Variants in HTN3 observed in about 807,000 individuals in gnomAD.
The protein encoded by HTN3 is histatin-3.
HTN3 carries 15 observed loss-of-function variants against 10.6 expected under a neutral mutation model. The ratio of observed to expected loss-of-function variants is 1.42; its 90% confidence interval spans 0.95 to 2.18. HTN3 has a LOEUF of 2.18. Ranked by LOEUF, HTN3 falls within the 30% of genes most tolerant of loss-of-function variation. HTN3 has a pLI of 0.00. For synonymous variants in HTN3, 15 were observed against 16.9 expected (o/e 0.89, Z 0.27); for missense variants, 68 against 58.0 (o/e 1.17, Z -0.56).
intron 4 of HTN3, among the ~76,000 whole-genome samples, chr4:70,032,810 C>G (rs866848809): frequency 6.6e-6 from 1 of 152,028 alleles, no homozygotes; most frequent in South Asian, 2.1e-4. Flanking sequence ...AAGTTGGAAA[C>G]GGTAACTTTC....
chr4:70,032,539 A>G (rs1007252467), intron 4 of HTN3, among the ~76,000 whole-genome samples: 4 of 152,104 alleles, frequency 2.6e-5, no homozygotes, highest in Non-Finnish European at 4.4e-5. Flanking sequence ...GTGCTAAATT[A>G]GACAGAAAAT....
chr4:70,035,138 A>G (rs1004516054), intron 5 of HTN3, among the ~76,000 whole-genome samples: 1 of 152,202 alleles, frequency 6.6e-6, no homozygotes, highest in African/African-American at 2.4e-5. Context: ...CACATTCTGC[A>G]CATGTATCCC....
intron 5 of HTN3, chr4:70,034,124 T>C (rs1725451625): frequency 6.6e-6 from 1 of 152,094 alleles, no homozygotes; most frequent in South Asian, 2.1e-4. Context: ...ACCTAGGTGA[T>C]ATCATTCGGG....
In HTN3 at chr4:70,036,333, G is replaced by C. The variant is rs1357110258; in HGVS notation, c.*100G>C. ...TGTCATACCGCATCACACTACCACTGCTTTTTGAAGAATTATCATAAGGCA... is the reference window on the plus strand; with the variant it reads ...TGTCATACCGCATCACACTACCACTCCTTTTTGAAGAATTATCATAAGGCA... On this transcript the variant is annotated 3_prime_UTR_variant, in exon 6 of 6. Coordinates refer to ENST00000673563, the MANE Select transcript of HTN3 (RefSeq NM_000200.3). 1 of 152,116 alleles carries C rather than the reference G, an allele frequency of 6.6e-6. No homozygotes were observed. The highest frequency in any genetic ancestry group is 1.5e-5 in the Non-Finnish European group (1 of 68,020). The allele number at this position is 152,116 out of a possible 1,614,324, so 9.4% of individuals were successfully genotyped here. A position where few individuals can be genotyped will look rare whatever the true frequency, so the allele number is the denominator to read the frequency against.
intron 2 of HTN3, 189 bp downstream of exon 2, chr4:70,030,980 T>G: frequency 2.0e-6 from 1 of 492,548 alleles, no homozygotes. Context: ...ATTACATACC[T>G]GCGAACACTC....
rs1159547895 is a variant in HTN3 at position 70,033,175 on chromosome 4, T to A, written c.111T>A (p.His37Gln). ...HGYKRKFHEKHHSHRGYRSNY... is the reference protein window; with the variant it reads ...HGYKRKFHEKQHSHRGYRSNY... ...CTTTTGTGTGTATGCAGGAAAAGCA[T>A]CATTCACATCGAGGCTATAGATCAA... The change falls in exon 5 of 6, where the codon CAT becomes CAA. Residue 37 changes from histidine (H) to glutamine (Q), a missense_variant. His to Gln is a conservative substitution (Grantham distance 24). Coordinates refer to ENST00000673563, the MANE Select transcript of HTN3 (RefSeq NM_000200.3). The A allele has an allele frequency of 5.6e-6, 9 of 1,606,144 alleles. No homozygotes were observed. Among genetic ancestry groups the A allele is most frequent in the Non-Finnish European group, 6.8e-6 (8 of 1,174,326 alleles).
At position 70,036,470 on chromosome 4, in the gene HTN3, C is replaced by T. The variant is rs1289568704; in HGVS notation, c.*237C>T. The stretch of plus-strand genomic sequence containing the variant: ...CAATTTAAATGTTAAGCTGTTTTCA[C>T]TGCTGTTTCTGAGTAATAGAAATTC... On this transcript the variant is annotated 3_prime_UTR_variant, in exon 6 of 6. Coordinates refer to ENST00000673563, the MANE Select transcript of HTN3 (RefSeq NM_000200.3). 1 of 152,206 alleles carries T rather than the reference C, an allele frequency of 6.6e-6. No homozygotes were observed. The highest frequency in any genetic ancestry group is 1.5e-5 in the Non-Finnish European group (1 of 68,026). 9.4% of individuals were successfully genotyped at this position (152,206 alleles called of 1,614,324 possible).
At chr4:70,033,047 A>G in intron 4 of HTN3, 120 bp from the exon 5 acceptor site, 1 of 684,666 alleles carries the variant, frequency 1.5e-6, no homozygotes, top group South Asian at 1.8e-5. Context: ...TTATGTAGAT[A>G]ACACACGAGG....
intron 5 of HTN3, among the ~76,000 whole-genome samples, chr4:70,035,242 G>A (rs1481935172): frequency 6.6e-6 from 1 of 152,172 alleles, no homozygotes; most frequent in East Asian, 1.9e-4. Context: ...GTTCTGGGTA[G>A]GGGAACCCCT....
intron 5 of HTN3, chr4:70,034,146 G>C (rs1340556939): frequency 6.6e-6 from 1 of 152,114 alleles, no homozygotes; most frequent in Non-Finnish European, 1.5e-5. Context: ...CATAGGCATG[G>C]ACAAAGACTT....
intron 5 of HTN3, among the ~76,000 whole-genome samples, chr4:70,035,567 T>C (rs1725496255): frequency 6.6e-6 from 1 of 152,196 alleles, no homozygotes. Context: ...TATGCCTAAG[T>C]AACTCTAATG....
chr4:70,035,312 C>G (rs1014219717), intron 5 of HTN3, among the ~76,000 whole-genome samples: 1 of 152,188 alleles, frequency 6.6e-6, no homozygotes. Context: ...CTAATCTTCT[C>G]TTAACCTTAA....
chr4:70,031,648 T>C (rs1291043980), intron 2 of HTN3, among the ~76,000 whole-genome samples: 1 of 152,120 alleles, frequency 6.6e-6, no homozygotes. Context: ...TTGAGCTACA[T>C]AGAACATATT....
chr4:70,033,333 T>C, intron 5 of HTN3, 80 bp downstream of exon 5: 3 of 678,684 alleles, frequency 4.4e-6, no homozygotes, highest in Non-Finnish European at 7.5e-6. Context: ...AAAAAAGCCA[T>C]TAAGCCAACA....
chr4:70,032,392 A>G (rs537063184), intron 4 of HTN3, among the ~76,000 whole-genome samples: 2 of 152,160 alleles, frequency 1.3e-5, no homozygotes, highest in African/African-American at 4.8e-5. Flanking sequence ...GACCTAAAGA[A>G]TAGTTCCTAA....
At chr4:70,034,441 CA>C (rs1429701856) in intron 5 of HTN3, 2 of 152,222 alleles carry the variant, frequency 1.3e-5, no homozygotes, top group East Asian at 3.9e-4. Flanking sequence ...ATGTGGCCAA[CA>C]AACATGAAAA....
chr4:70,030,518 C>G (rs958001982), intron 1 of HTN3, among the ~76,000 whole-genome samples: 1 of 152,036 alleles, frequency 6.6e-6, no homozygotes, highest in Admixed American at 6.6e-5. Context: ...TGTAGTTCCA[C>G]CTACAAGTGG....
chr4:70,031,093 G>C, intron 2 of HTN3: 1 of 235,150 alleles, frequency 4.3e-6, no homozygotes, highest in Non-Finnish European at 8.2e-6. Flanking sequence ...AAAAGCTCTA[G>C]ACCACCTGAA....
intron 5 of HTN3, among the ~76,000 whole-genome samples, chr4:70,035,765 A>G (rs1725500326): frequency 6.6e-6 from 1 of 152,208 alleles, no homozygotes; most frequent in Non-Finnish European, 1.5e-5. Context: ...TTTTGGAGAT[A>G]AAAGAGTACT....
Sources: gnomAD v4.1 joint callset for allele counts (sites outside exome capture counted in the v4.1 genomes callset) on GRCh38, gnomAD v4.1.1 for gene constraint, MANE v1.5 for transcripts, NCBI Gene and HGNC (gene_info 2026-07-23, HGNC 2026-07-21) for gene names.